The following GRIK1 variants were observed in gnomAD, a reference collection of about 807,000 sequenced individuals.
The protein encoded by GRIK1 is glutamate receptor ionotropic, kainate 1.
A neutral mutation model predicts 105.7 loss-of-function variants in GRIK1; 69 were observed. The ratio of observed to expected loss-of-function variants is 0.65; its 90% CI spans 0.54 to 0.80. The LOEUF is 0.80. Among genes scored for constraint, GRIK1 ranks in the 30% least tolerant of loss-of-function variants. The pLI is 0.00. For synonymous variants in GRIK1, 438 were observed against 431.3 expected, an observed-to-expected ratio of 1.02 and a Z score of -0.19; for missense variants, 1,109 against 1,167.3, an observed-to-expected ratio of 0.95 and a Z score of 0.73.
chr21:29,589,719 C>T (rs867239995), intron 10 of GRIK1, among the ~76,000 whole-genome samples: 2 of 152,100 alleles, frequency 1.3e-5, no homozygotes, highest in Admixed American at 6.6e-5. Flanking sequence ...CCACCAAGCC[C>T]GGACCTGGCT....
At chr21:29,580,013 A>ATATGTATATG (rs1461605759) in intron 13 of GRIK1, among the ~76,000 whole-genome samples, 11 of 145,702 alleles carry the variant, frequency 7.5e-5, no homozygotes, top group African/African-American at 2.8e-4. Context: ...ATATGTATAT[A>ATATGTATATG]TATGTGTATA....
At chr21:29,702,191 G>T (rs528602895) in intron 1 of GRIK1, among the ~76,000 whole-genome samples, 1 of 152,188 alleles carries the variant, frequency 6.6e-6, no homozygotes, top group Admixed American at 6.5e-5. Context: ...ATAACTAATG[G>T]GTACTAGGCT....
intron 1 of GRIK1, among the ~76,000 whole-genome samples, chr21:29,838,873 C>A (rs1248803559): frequency 6.6e-6 from 1 of 152,028 alleles, no homozygotes; most frequent in African/African-American, 2.4e-5. Flanking sequence ...CCTCACAGAT[C>A]ACAGAAATTT....
At chr21:29,781,021 A>G (rs1273047605) in intron 1 of GRIK1, among the ~76,000 whole-genome samples, 2 of 152,170 alleles carry the variant, frequency 1.3e-5, no homozygotes, top group East Asian at 3.9e-4. Flanking sequence ...AATACAAAAG[A>G]AGTATTAAGA....
At chr21:29,901,019 A>C (rs1300028520) in intron 1 of GRIK1, among the ~76,000 whole-genome samples, 1 of 152,212 alleles carries the variant, frequency 6.6e-6, no homozygotes, top group Non-Finnish European at 1.5e-5. Flanking sequence ...GAAACCGAAC[A>C]ACCTGCTCCT....
chr21:29,747,325 G>A (rs1351324918), intron 1 of GRIK1, among the ~76,000 whole-genome samples: 2 of 152,188 alleles, frequency 1.3e-5, no homozygotes, highest in Non-Finnish European at 2.9e-5. Flanking sequence ...GGGAGTAAGA[G>A]CATCCTTTTG....
At chr21:29,814,962 G>A (rs2067115583) in intron 1 of GRIK1, among the ~76,000 whole-genome samples, 1 of 152,030 alleles carries the variant, frequency 6.6e-6, no homozygotes, top group Non-Finnish European at 1.5e-5. Flanking sequence ...TACCTCTCTG[G>A]ACCTGTAAAA....
At chr21:29,808,484 A>G (rs925020485) in intron 1 of GRIK1, among the ~76,000 whole-genome samples, 2 of 152,156 alleles carry the variant, frequency 1.3e-5, no homozygotes, top group East Asian at 3.9e-4. Context: ...TCCATTGCCA[A>G]TCTGATATGC....
At chr21:29,744,179 C>T (rs2064995683) in intron 1 of GRIK1, among the ~76,000 whole-genome samples, 1 of 152,190 alleles carries the variant, frequency 6.6e-6, no homozygotes, top group South Asian at 2.1e-4. Context: ...TGGGGGTCTG[C>T]CTCTTCCTGG....
At chr21:29,773,462 G>A (rs1489728843) in intron 1 of GRIK1, among the ~76,000 whole-genome samples, 2 of 152,038 alleles carry the variant, frequency 1.3e-5, no homozygotes, top group Non-Finnish European at 2.9e-5. Flanking sequence ...GAGCCATGTG[G>A]GCAATTCTTC....
intron 1 of GRIK1, among the ~76,000 whole-genome samples, chr21:29,724,865 T>C (rs1404216603): frequency 1.3e-5 from 2 of 152,164 alleles, no homozygotes; most frequent in Admixed American, 6.5e-5. Flanking sequence ...GTTATCTTAA[T>C]TGGAGTTTCT....
chr21:29,793,840 ATTGT>A (rs2066488605), intron 1 of GRIK1, among the ~76,000 whole-genome samples: 1 of 152,188 alleles, frequency 6.6e-6, no homozygotes, highest in African/African-American at 2.4e-5. Flanking sequence ...TTCACATGTA[ATTGT>A]TTGTCTGCCA....
intron 6 of GRIK1, among the ~76,000 whole-genome samples, chr21:29,648,511 T>C (rs1305311731): frequency 6.6e-6 from 1 of 152,230 alleles, no homozygotes; most frequent in African/African-American, 2.4e-5. Flanking sequence ...TTAATTCTTA[T>C]TTATTTAGCA....
intron 7 of GRIK1, among the ~76,000 whole-genome samples, chr21:29,600,034 C>T (rs538085765): frequency 6.6e-6 from 1 of 152,090 alleles, no homozygotes; most frequent in East Asian, 1.9e-4. Flanking sequence ...TGCAGTGAGC[C>T]GAGATTATGC....
chr21:29,791,807 A>G (rs1309404326), intron 1 of GRIK1, among the ~76,000 whole-genome samples: 1 of 152,232 alleles, frequency 6.6e-6, no homozygotes, highest in Non-Finnish European at 1.5e-5. Context: ...AAATTTGCAT[A>G]TATTTGTTGA....
At chr21:29,895,457 T>A (rs890284585) in intron 1 of GRIK1, among the ~76,000 whole-genome samples, 11 of 152,158 alleles carry the variant, frequency 7.2e-5, no homozygotes, top group Non-Finnish European at 1.3e-4. Context: ...ACTACAAGAA[T>A]ATTAAAGCAA....
At chr21:29,843,262 A>C (rs149527203) in intron 1 of GRIK1, among the ~76,000 whole-genome samples, 1 of 152,236 alleles carries the variant, frequency 6.6e-6, no homozygotes, top group African/African-American at 2.4e-5. Flanking sequence ...ACACATACCT[A>C]GAATTTGAAT....
intron 1 of GRIK1, among the ~76,000 whole-genome samples, chr21:29,844,920 A>T (rs773267538): frequency 3.9e-5 from 6 of 152,192 alleles, no homozygotes; most frequent in Non-Finnish European, 8.8e-5. Context: ...CTATACCAGA[A>T]GGGGAATTCA....
At chr21:29,620,782 G>GATATATATATCTATATATATATAGAT (rs1568897240) in intron 7 of GRIK1, among the ~76,000 whole-genome samples, 2 of 122,854 alleles carry the variant, frequency 1.6e-5, no homozygotes, top group Admixed American at 1.7e-4. Flanking sequence ...TATATATATA[G>GATATATATATCTATATATATATAGAT]ATATATATAT....
Sources: allele counts gnomAD v4.1 joint callset (sites outside exome capture counted in the v4.1 genomes callset), GRCh38; gene constraint gnomAD v4.1.1; transcripts MANE v1.5; gene names NCBI Gene and HGNC (gene_info 2026-07-23, HGNC 2026-07-21).